Variants in KASH5 observed in about 807,000 individuals in gnomAD.
The protein encoded by KASH5 is KASH domain containing 5.
Under a neutral mutation model 84.2 loss-of-function variants are expected in KASH5, and 72 were observed. The observed-to-expected ratio is 0.85, with a 90% confidence interval of 0.71 to 1.04. KASH5 has a LOEUF of 1.04. Among genes scored for constraint, KASH5 ranks in the 50% least tolerant of loss-of-function variants. KASH5 has a pLI of 0.00. For synonymous variants in KASH5, 260 were observed against 279.1 expected (o/e 0.93, Z 0.68); for missense variants, 650 against 701.0 (o/e 0.93, Z 0.82).
intron 15 of KASH5, among the ~76,000 whole-genome samples, chr19:49,410,807 G>T (rs1974686057): frequency 6.6e-6 from 1 of 150,996 alleles, no homozygotes; most frequent in Admixed American, 6.6e-5. Flanking sequence ...TTTTTTTATA[G>T]AGTTGAGATC....
chr19:49,390,592 C>G (rs140247476), intron 1 of KASH5, among the ~76,000 whole-genome samples, 197 bp from the exon 2 acceptor site: 337 of 152,304 alleles, frequency 2.2e-3, no homozygotes, highest in Non-Finnish European at 3.7e-3. Flanking sequence ...ACCCACTAGC[C>G]CCTTTGATGT....
At position 49,397,999 on chromosome 19, in the gene KASH5, T is replaced by G; in HGVS notation, c.485T>G (p.Leu162Arg). 6.2e-7 allele frequency: 1 copy of G among 1,613,900 alleles called. No homozygotes were observed. Among genetic ancestry groups the G allele is most frequent in the Non-Finnish European group, 8.5e-7 (1 of 1,179,842 alleles). Reference protein sequence around the residue: ...PRPELQATADLLSSLEDLELS... With the variant: ...PRPELQATADRLSSLEDLELS... Reference sequence around the variant, plus strand: ...GCCCCTAGACAAGCCACAGCTGACCTGCTGAGCAGCCTGGAGGACCTGGAG... The same window carrying G: ...GCCCCTAGACAAGCCACAGCTGACCGGCTGAGCAGCCTGGAGGACCTGGAG... The change falls in exon 7 of 20, where the codon CTG becomes CGG. Residue 162 changes from leucine (L) to arginine (R), a missense_variant. Transcript: ENST00000447857.
chr19:49,394,207 G>A (rs541726492), intron 2 of KASH5, among the ~76,000 whole-genome samples: 1 of 152,200 alleles, frequency 6.6e-6, no homozygotes, highest in Non-Finnish European at 1.5e-5. Flanking sequence ...GGTGATCTCA[G>A]AGCGTTCTTC....
At chr19:49,403,095 C>A (rs1388143883) in intron 9 of KASH5, among the ~76,000 whole-genome samples, 2 of 152,184 alleles carry the variant, frequency 1.3e-5, no homozygotes, top group Non-Finnish European at 2.9e-5. Flanking sequence ...CGGTGGCTCA[C>A]ACCTGTAATC....
Position 49,397,968 on chromosome 19 carries a change from T to C in KASH5, c.468-14T>C. ...GGCTGTGGACAGTGACCTGAACCCC[T>C]TCCTTGCCCCTAGACAAGCCACAGC... On this transcript the variant is annotated splice_polypyrimidine_tract_variant and intron_variant, in intron 6 of 19. Coordinates refer to ENST00000447857, the MANE Select transcript of KASH5 (RefSeq NM_144688.5). 4 of 1,613,074 alleles carry C rather than the reference T, an allele frequency of 2.5e-6. No individual in the cohort carries two copies. The highest frequency in any genetic ancestry group is 3.4e-6 in the Non-Finnish European group (4 of 1,179,406).
At position 49,417,049 on chromosome 19, in the gene KASH5, C is replaced by G; in HGVS notation, c.1409C>G (p.Pro470Arg). The G allele has an allele frequency of 6.3e-7, 1 of 1,595,792 alleles. No homozygotes were observed. The change falls in exon 18 of 20, where the codon CCT becomes CGT. Residue 470 changes from proline to arginine, a missense_variant. Physicochemically the swap from Pro to Arg is moderately radical, Grantham distance 103. Coordinates refer to ENST00000447857, the MANE Select transcript of KASH5 (RefSeq NM_144688.5). The surrounding 1 kb of genome is among the most constrained non-coding windows in gnomAD (Gnocchi z 5.2). ...CCTGTCCCTCTAGGAGCCCCTCGCCCTGGAGACATCCCAGAAAACCCTCCA... is the reference window on the plus strand; with the variant it reads ...CCTGTCCCTCTAGGAGCCCCTCGCCGTGGAGACATCCCAGAAAACCCTCCA... ...DLPVPLGAPR[P>R]GDIPENPPER... is the part of the protein sequence containing the mutation.
chr19:49,414,694 T>A lies in KASH5; in HGVS notation c.1329-257T>A, dbSNP rs999064305. Among the ~76,000 whole-genome samples the A allele has an allele frequency of 4.0e-5, 6 of 148,238 alleles. No homozygotes were observed. The highest frequency in any genetic ancestry group is 1.6e-4 in the African/African-American group (6 of 38,288). On this transcript the variant is annotated intron_variant, in intron 16 of 19. Transcript: ENST00000447857. This position sits in a 1 kb window ranked among gnomAD's most constrained non-coding sequence, Gnocchi z 4.5. ...GGACACCCCCCAGGCCCGTCCGTGC[T>A]GCCTGGCCTCCCCCAGGCCCGTCCG...
At chr19:49,403,669 T>C (rs1300827247) in intron 9 of KASH5, among the ~76,000 whole-genome samples, 1 of 152,164 alleles carries the variant, frequency 6.6e-6, no homozygotes, top group African/African-American at 2.4e-5. Context: ...CTGGGACCCA[T>C]CTGCCCTCAG....
chr19:49,390,975 A>G (rs1004366483), intron 2 of KASH5, 49 bp downstream of exon 2: 1 of 1,581,774 alleles, frequency 6.3e-7, no homozygotes, highest in African/African-American at 1.4e-5. Context: ...GGAGGGAGCC[A>G]TGGGTGAATG....
chr19:49,389,000 A>G (rs917932178), intron 1 of KASH5, among the ~76,000 whole-genome samples: 1 of 151,930 alleles, frequency 6.6e-6, no homozygotes, highest in African/African-American at 2.4e-5. Context: ...AGACCCCGAA[A>G]TGCACTCAGA....
rs949582385 is a variant in KASH5, at chr19:49,412,888, G to C, written c.1270-80G>C. On this transcript the variant is annotated intron_variant, in intron 15 of 19. Transcript: ENST00000447857. This position sits in a 1 kb window ranked among gnomAD's most constrained non-coding sequence, Gnocchi z 4.6. ...TTTGTATATGGGGTCTGGGACCGGCGGGGGAGACAGTGGGCACTGTTAGGG... is the reference window on the plus strand; with the variant it reads ...TTTGTATATGGGGTCTGGGACCGGCCGGGGAGACAGTGGGCACTGTTAGGG... 3.5e-6 allele frequency: 5 copies of C among 1,415,798 alleles called. No individual in the cohort carries two copies. Among genetic ancestry groups the C allele is most frequent in the South Asian group, 2.4e-5 (2 of 83,482 alleles). 87.7% of individuals were successfully genotyped at this position (1,415,798 alleles called of 1,614,324 possible).
rs554829089 is a variant in KASH5 at position 49,413,053 on chromosome 19, T to A, written c.1328+27T>A. ...TAAGGAGCTGAGCCATCCGTCTGCC[T>A]CAGGGTGACACCTTATTCACAGCTG... On this transcript the variant is annotated intron_variant, in intron 16 of 19. Transcript: ENST00000447857. 1.1e-5 allele frequency: 17 copies of A among 1,607,256 alleles called. No individual in the cohort carries two copies. In the South Asian group the frequency reaches 1.9e-4, roughly 18 times the overall value.
chr19:49,392,941 A>G (rs1974050031), intron 2 of KASH5, among the ~76,000 whole-genome samples: 1 of 151,578 alleles, frequency 6.6e-6, no homozygotes, highest in Admixed American at 6.6e-5. Flanking sequence ...AGAGGAGGAA[A>G]ACAGACTGGG....
intron 12 of KASH5, among the ~76,000 whole-genome samples, chr19:49,408,047 C>T (rs1974588013): frequency 6.6e-6 from 1 of 152,150 alleles, no homozygotes; most frequent in African/African-American, 2.4e-5. Flanking sequence ...TCCCAAATAG[C>T]TGGGACTACA....
At chr19:49,401,216 C>T (rs1974351205) in intron 9 of KASH5, among the ~76,000 whole-genome samples, 1 of 152,190 alleles carries the variant, frequency 6.6e-6, no homozygotes, top group South Asian at 2.1e-4. Context: ...GGTGATTTGG[C>T]TACTTTCCTG....
intron 2 of KASH5, among the ~76,000 whole-genome samples, chr19:49,392,286 G>A (rs1049755889): frequency 1.1e-4 from 17 of 152,070 alleles, no homozygotes; most frequent in Non-Finnish European, 8.8e-5. Flanking sequence ...AAGAAAACGG[G>A]GACAAGCGAC....
chr19:49,392,898 C>G (rs935600179), intron 2 of KASH5, among the ~76,000 whole-genome samples: 2 of 145,338 alleles, frequency 1.4e-5, no homozygotes, highest in Non-Finnish European at 3.0e-5. Flanking sequence ...GGTGACACAG[C>G]GAGACTCCAT....
chr19:49,406,994 T>C, intron 10 of KASH5, 31 bp downstream of exon 10: 1 of 1,557,718 alleles, frequency 6.4e-7, no homozygotes, highest in Middle Eastern at 1.7e-4. Context: ...CTGACAACTT[T>C]CCACCACCCC....
At position 49,395,116 on chromosome 19, in the gene KASH5, T is replaced by A. The variant is rs1009887521; in HGVS notation, c.159T>A (p.Ala53=). Reference sequence around the variant, plus strand: ...CATGCTCTGTCACAGGCACTGTGGCTGTGGCCCAGGTGCTGGCCTACCTGG... The same window carrying A: ...CATGCTCTGTCACAGGCACTGTGGCAGTGGCCCAGGTGCTGGCCTACCTGG... The part of the protein sequence containing the change: ...ACDPQRTGTV[A]VAQVLAYLEA... The change falls in exon 4 of 20, where the codon GCT becomes GCA. Residue 53 remains alanine (A), a synonymous_variant. Coordinates refer to ENST00000447857, the MANE Select transcript of KASH5 (RefSeq NM_144688.5). The surrounding 1 kb of genome is among the most constrained non-coding windows in gnomAD (Gnocchi z 4.4). 2 of 1,607,806 alleles carry A rather than the reference T, an allele frequency of 1.2e-6. No individual in the cohort carries two copies. Among genetic ancestry groups the A allele is most frequent in the Non-Finnish European group, 1.7e-6 (2 of 1,178,480 alleles).
Sources: gnomAD v4.1 joint callset for allele counts (sites outside exome capture counted in the v4.1 genomes callset) on GRCh38, gnomAD v4.1.1 for gene constraint, Gnocchi (gnomAD v3.1) non-coding constraint, MANE v1.5 for transcripts, NCBI Gene and HGNC (gene_info 2026-07-23, HGNC 2026-07-21) for gene names.